IRAG2: variants seen among roughly 807,000 people sequenced by gnomAD.
IRAG2 encodes lymphoid restricted membrane protein.
IRAG2 carries 45 observed loss-of-function variants against 69.9 expected under a neutral mutation model. The observed-to-expected ratio is 0.64, with a 90% CI of 0.51 to 0.83. IRAG2 has a LOEUF of 0.83. Among genes scored for constraint, IRAG2 ranks in the 40% least tolerant of loss-of-function variants. The pLI is 0.00. For synonymous variants in IRAG2, 193 were observed against 202.4 expected (o/e 0.95, Z 0.40); for missense variants, 520 against 587.0 (o/e 0.89, Z 1.18).
intron 8 of IRAG2, among the ~76,000 whole-genome samples, chr12:25,025,492 C>CT (rs1291936774): frequency 6.6e-6 from 1 of 152,034 alleles, no homozygotes; most frequent in African/African-American, 2.4e-5. Flanking sequence ...CCTAAGGACT[C>CT]TGTCTTTTTT....
At chr12:25,004,401 A>G (rs1944415161) in exon 1 of IRAG2, 9 of 1,232,084 alleles carry the variant, frequency 7.3e-6, no homozygotes, top group African/African-American at 1.6e-5. Flanking sequence ...GCATCTGTAG[A>G]AAGATCAGAG....
chr12:25,104,098 A>C, intron 19 of IRAG2, 40 bp downstream of exon 19: 1 of 1,569,686 alleles, frequency 6.4e-7, no homozygotes, highest in Non-Finnish European at 8.7e-7. Flanking sequence ...GAACCTTACT[A>C]TTTTATACTT....
At chr12:25,073,633 A>G (rs1378167787) in intron 6 of IRAG2, among the ~76,000 whole-genome samples, 1 of 152,256 alleles carries the variant, frequency 6.6e-6, no homozygotes, top group Non-Finnish European at 1.5e-5. Context: ...TAATGTCTCA[A>G]AAAGAACATC....
At chr12:25,004,422 G>A (rs1391310953) in exon 1 of IRAG2, 1 of 1,232,006 alleles carries the variant, frequency 8.1e-7, no homozygotes, top group Admixed American at 4.2e-5. Flanking sequence ...CCATCCACAA[G>A]AGAGAAGCAA....
At chr12:25,045,673 T>C (rs1944786762) in intron 16 of IRAG2, among the ~76,000 whole-genome samples, 1 of 151,808 alleles carries the variant, frequency 6.6e-6, no homozygotes, top group African/African-American at 2.4e-5. Context: ...TCTTTATGAA[T>C]CATGAAGAAA....
chr12:25,059,398 C>A (rs1157246286), intron 1 of IRAG2, among the ~76,000 whole-genome samples: 1 of 152,126 alleles, frequency 6.6e-6, no homozygotes, highest in East Asian at 1.9e-4. Context: ...TCACCCAGAG[C>A]TGGAGTGCAA....
Position 25,108,152 on chromosome 12 carries a change from T to A in IRAG2, c.*92T>A. 1 of 1,414,310 alleles carries A rather than the reference T, an allele frequency of 7.1e-7. No individual in the cohort carries two copies. The highest frequency in any genetic ancestry group is 9.6e-7 in the Non-Finnish European group (1 of 1,037,684). 87.6% of individuals were successfully genotyped at this position (1,414,310 alleles called of 1,614,324 possible). ...AACTTTTAGCTGGGAAAGTATAGCA[T>A]GAAACCAGAGGTTCTCAGAATGACT... On this transcript the variant is annotated 3_prime_UTR_variant, in exon 22 of 22. Transcript: ENST00000556887.
chr12:25,093,456 GACTTA>G (rs1269094443), intron 14 of IRAG2: 4 of 152,814 alleles, frequency 2.6e-5, no homozygotes, highest in Admixed American at 6.5e-5. Flanking sequence ...TTTCTCCACT[GACTTA>G]ACTTTTCTTC....
chr12:25,107,647 G>C (rs1397010181), intron 21 of IRAG2, among the ~76,000 whole-genome samples, 170 bp from the exon 22 acceptor site: 2 of 152,380 alleles, frequency 1.3e-5, no homozygotes, highest in East Asian at 3.9e-4. Context: ...TAGGTACAAA[G>C]GGTGGGAGGC....
chr12:25,054,126 A>T, intron 1 of IRAG2, among the ~76,000 whole-genome samples: 1 of 152,136 alleles, frequency 6.6e-6, no homozygotes, highest in South Asian at 2.1e-4. Context: ...TATTCAACAT[A>T]TTATTGTCAT....
At chr12:25,094,664 A>G (rs1453712036) in intron 14 of IRAG2, among the ~76,000 whole-genome samples, 1 of 152,178 alleles carries the variant, frequency 6.6e-6, no homozygotes, top group East Asian at 1.9e-4. Context: ...TTTGGGTACT[A>G]TAGAGAGCTT....
intron 16 of IRAG2, among the ~76,000 whole-genome samples, chr12:25,041,514 C>T (rs770818292): frequency 6.6e-6 from 1 of 151,834 alleles, no homozygotes; most frequent in Non-Finnish European, 1.5e-5. Flanking sequence ...CAGAGTCTCA[C>T]TTCATCACCC....
chr12:25,103,790 T>C, intron 17 of IRAG2, 47 bp from the exon 18 acceptor site: 1 of 1,351,532 alleles, frequency 7.4e-7, no homozygotes, highest in Non-Finnish European at 1.1e-6. Context: ...CATATAATGA[T>C]AAATTATTGA....
chr12:25,097,270 A>T, intron 15 of IRAG2: 1 of 424,792 alleles, frequency 2.4e-6, no homozygotes, highest in East Asian at 4.2e-5. Context: ...AATTTTTGTG[A>T]TATATTCTTC....
chr12:25,023,988 G>T, intron 8 of IRAG2: 1 of 900,148 alleles, frequency 1.1e-6, no homozygotes, highest in Non-Finnish European at 1.5e-6. Context: ...GTTTATGGCT[G>T]TGGGTTAAAT....
At chr12:25,071,572 T>C (rs759869619) in intron 6 of IRAG2, among the ~76,000 whole-genome samples, 5 of 152,294 alleles carry the variant, frequency 3.3e-5, no homozygotes, top group Non-Finnish European at 5.9e-5. Context: ...ACATGCCATG[T>C]GATTAATCTG....
intron 1 of IRAG2, among the ~76,000 whole-genome samples, chr12:25,054,003 G>A (rs1945054371): frequency 6.6e-6 from 1 of 152,004 alleles, no homozygotes; most frequent in Non-Finnish European, 1.5e-5. Flanking sequence ...AGGCCGAGGT[G>A]GGCAGATTGC....
intron 2 of IRAG2, among the ~76,000 whole-genome samples, chr12:25,008,962 A>G (rs529647480): frequency 3.3e-5 from 5 of 152,320 alleles, no homozygotes; most frequent in South Asian, 4.1e-4. Context: ...TTGATGTAAC[A>G]TGTTTAACCA....
At chr12:25,022,979 A>G (rs1466104639) in intron 7 of IRAG2, among the ~76,000 whole-genome samples, 1 of 152,192 alleles carries the variant, frequency 6.6e-6, no homozygotes, top group Admixed American at 6.5e-5. Flanking sequence ...TACAAAAAGT[A>G]GCCAGGTGTG....
Sources: allele counts gnomAD v4.1 joint callset (sites outside exome capture counted in the v4.1 genomes callset), GRCh38; gene constraint gnomAD v4.1.1; transcripts MANE v1.5; gene names NCBI Gene and HGNC (gene_info 2026-07-23, HGNC 2026-07-21).